FHIT: variants seen among roughly 807,000 people sequenced by gnomAD.
FHIT encodes bis(5'-adenosyl)-triphosphatase.
FHIT carries 19 observed loss-of-function variants against 17.9 expected under a neutral mutation model. The observed-to-expected ratio is 1.06, with a 90% CI of 0.74 to 1.56. The LOEUF is 1.56. Among genes scored for constraint, FHIT ranks in the 40% most tolerant of loss-of-function variants. The probability of loss-of-function intolerance (pLI) is 0.00; values close to 1 mark genes in which losing one functional copy is unlikely to be tolerated. For missense variants in FHIT, 248 were observed against 189.2 expected (o/e 1.31, Z -1.82); for synonymous variants, 81 against 69.7 (o/e 1.16, Z -0.81).
chr3:61,050,067 A>G (rs2106645139), intron 2 of FHIT, among the ~76,000 whole-genome samples: 1 of 152,208 alleles, frequency 6.6e-6, no homozygotes, highest in Admixed American at 6.5e-5. Context: ...TAAAAAGTAC[A>G]CGGTTTAACC....
At chr3:60,055,447 T>TC (rs947632931) in intron 5 of FHIT, among the ~76,000 whole-genome samples, 2 of 123,038 alleles carry the variant, frequency 1.6e-5, no homozygotes, top group African/African-American at 6.0e-5. Context: ...TGATGGACTT[T>TC]CTTTTTTTTT....
chr3:60,483,549 A>G (rs917437390), intron 5 of FHIT, among the ~76,000 whole-genome samples: 3 of 152,220 alleles, frequency 2.0e-5, no homozygotes, highest in African/African-American at 7.2e-5. Flanking sequence ...AACGTAATCT[A>G]TCACATAAAC....
intron 4 of FHIT, among the ~76,000 whole-genome samples, chr3:60,725,946 C>G (rs1259530308): frequency 6.6e-6 from 1 of 151,980 alleles, no homozygotes. Flanking sequence ...AAAAAATTTT[C>G]CTTAGGTCAT....
At position 60,207,243 on chromosome 3, in the gene FHIT, G is replaced by A. The variant is rs1198377341; in HGVS notation, c.104-193091C>T. The stretch of plus-strand genomic sequence containing the variant: ...GGGAAAAAGTCAATATAAAAATTTA[G>A]AAATTAGAATATTTACTTTTAGTTA... On this transcript the variant is annotated intron_variant, in intron 5 of 9. Coordinates refer to ENST00000492590, the MANE Select transcript of FHIT (RefSeq NM_002012.4). Among the ~76,000 whole-genome samples, 4 of 151,914 alleles carry A rather than the reference G, an allele frequency of 2.6e-5. No individual in the cohort carries two copies. In the East Asian group the frequency reaches 7.7e-4, roughly 29 times the overall value.
intron 4 of FHIT, among the ~76,000 whole-genome samples, chr3:60,687,998 T>C (rs1434770744): frequency 6.6e-6 from 1 of 152,184 alleles, no homozygotes; most frequent in Non-Finnish European, 1.5e-5. Context: ...TTCTGCCTAA[T>C]AAATCTTGTC....
chr3:60,112,265 T>C (rs1349811200), intron 5 of FHIT, among the ~76,000 whole-genome samples: 1 of 152,110 alleles, frequency 6.6e-6, no homozygotes, highest in Non-Finnish European at 1.5e-5. Flanking sequence ...CAATATCCCA[T>C]TGACCTCATG....
chr3:60,928,471 C>A (rs955530620), intron 3 of FHIT, among the ~76,000 whole-genome samples: 1 of 151,416 alleles, frequency 6.6e-6, no homozygotes, highest in Non-Finnish European at 1.5e-5. Flanking sequence ...ATCACTTGAG[C>A]CTGGGAGGCA....
chr3:59,895,691 T>A (rs976533143), intron 8 of FHIT, among the ~76,000 whole-genome samples: 1 of 152,206 alleles, frequency 6.6e-6, no homozygotes, highest in Non-Finnish European at 1.5e-5. Flanking sequence ...ATCATCAACA[T>A]CTCTAATGAG....
intron 3 of FHIT, among the ~76,000 whole-genome samples, chr3:60,951,407 G>A (rs1315807590): frequency 1.3e-5 from 2 of 152,122 alleles, no homozygotes; most frequent in Non-Finnish European, 2.9e-5. Flanking sequence ...ATCTACTATG[G>A]TGTCAGGTGC....
intron 5 of FHIT, among the ~76,000 whole-genome samples, chr3:60,236,703 T>G (rs564801911): frequency 6.6e-6 from 1 of 152,304 alleles, no homozygotes; most frequent in East Asian, 1.9e-4. Context: ...AGTGTTTTAT[T>G]TCCTTTTTTT....
chr3:60,698,227 G>A (rs1428845344), intron 4 of FHIT, among the ~76,000 whole-genome samples: 1 of 149,560 alleles, frequency 6.7e-6, no homozygotes, highest in Non-Finnish European at 1.5e-5. Context: ...AAGAAGTGGA[G>A]TGTGGCTTTT....
chr3:59,897,041 T>C (rs534989385), intron 8 of FHIT, among the ~76,000 whole-genome samples: 6 of 152,212 alleles, frequency 3.9e-5, no homozygotes, highest in African/African-American at 1.4e-4. Context: ...TTGGTCTGCC[T>C]CCCACCCACC....
In FHIT at chr3:60,123,965, AAAATATATAT is replaced by A. The variant is rs1348342313; in HGVS notation, c.104-109823_104-109814del. Reference sequence around the variant, plus strand: ...CACTTCCATTAACAGAAATGCACTAAAAATATATATATATATATATATATATATATATATA... The same window carrying A: ...CACTTCCATTAACAGAAATGCACTAAATATATATATATATATATATATATA... On this transcript the variant is annotated intron_variant, in intron 5 of 9. Coordinates refer to ENST00000492590, the MANE Select transcript of FHIT (RefSeq NM_002012.4). Among the ~76,000 whole-genome samples, 159 of 54,452 alleles carry A rather than the reference AAAATATATAT, an allele frequency of 2.9e-3. 7 individuals are homozygous for A. The highest frequency in any genetic ancestry group is 9.7e-3 in the African/African-American group (114 of 11,748). The allele number at this position is 54,452 out of a possible 152,430, so 35.7% of individuals were successfully genotyped here. A position where few individuals can be genotyped will look rare whatever the true frequency, so the allele number is the denominator to read the frequency against.
chr3:60,642,068 G>A (rs1424442230), intron 4 of FHIT, among the ~76,000 whole-genome samples: 3 of 152,080 alleles, frequency 2.0e-5, no homozygotes, highest in African/African-American at 4.8e-5. Flanking sequence ...AAAACATGAT[G>A]AGAAAGACTT....
At chr3:60,631,036 G>C (rs1416803400) in intron 4 of FHIT, among the ~76,000 whole-genome samples, 1 of 151,036 alleles carries the variant, frequency 6.6e-6, no homozygotes, top group Non-Finnish European at 1.5e-5. Flanking sequence ...GCCAAGTACA[G>C]CCTGTGCTAA....
intron 1 of FHIT, among the ~76,000 whole-genome samples, chr3:61,204,754 G>C (rs1467740061): frequency 6.6e-6 from 1 of 152,122 alleles, no homozygotes; most frequent in African/African-American, 2.4e-5. Context: ...AAAGCTGACG[G>C]AATAAGTTAT....
chr3:59,855,726 A>G (rs1702126176), intron 8 of FHIT, among the ~76,000 whole-genome samples: 1 of 152,194 alleles, frequency 6.6e-6, no homozygotes, highest in Non-Finnish European at 1.5e-5. Flanking sequence ...TTTCTAGAAA[A>G]GATCAAAAAA....
At chr3:60,979,708 T>A (rs1043363985) in intron 3 of FHIT, among the ~76,000 whole-genome samples, 3 of 152,194 alleles carry the variant, frequency 2.0e-5, no homozygotes, top group Admixed American at 6.5e-5. Context: ...TGCCAACTCA[T>A]GACAAGAATC....
At chr3:60,601,173 C>T (rs146859400) in intron 4 of FHIT, among the ~76,000 whole-genome samples, 4 of 152,312 alleles carry the variant, frequency 2.6e-5, no homozygotes, top group South Asian at 2.1e-4. Context: ...AATAGGATCT[C>T]GGAAGATACA....
Sources: gnomAD v4.1 joint callset for allele counts (sites outside exome capture counted in the v4.1 genomes callset) on GRCh38, gnomAD v4.1.1 for gene constraint, MANE v1.5 for transcripts, NCBI Gene and HGNC (gene_info 2026-07-23, HGNC 2026-07-21) for gene names.